CROCC: variants seen among roughly 807,000 people sequenced by gnomAD.
CROCC encodes ciliary rootlet coiled-coil, rootletin.
In CROCC, 180 loss-of-function variants were observed where a neutral mutation model predicts 245.2. The observed-to-expected ratio is 0.73, with a 90% CI of 0.65 to 0.83. The LOEUF is 0.83. Among genes scored for constraint, CROCC ranks in the 40% least tolerant of loss-of-function variants. CROCC has a pLI of 0.00. For missense variants in CROCC, 2,688 were observed against 2,779.4 expected (o/e 0.97, Z 0.74); for synonymous variants, 1,205 against 1,241.6 (o/e 0.97, Z 0.62).
Position 16,930,544 on chromosome 1 carries a change from T to C in CROCC, c.799T>C (p.Cys267Arg). The change falls in exon 7 of 37, where the codon TGC becomes CGC. Residue 267 changes from cysteine to arginine, a missense_variant. Coordinates refer to ENST00000375541, the MANE Select transcript of CROCC (RefSeq NM_014675.5). ...AAAGGTGACCAATGACTGGACACGCTGCCGCAAGGAGCTGGAGCACCGGGA... is the reference window on the plus strand; with the variant it reads ...AAAGGTGACCAATGACTGGACACGCCGCCGCAAGGAGCTGGAGCACCGGGA... Reference protein sequence around the residue: ...IRKVTNDWTRCRKELEHREAA... With the variant: ...IRKVTNDWTRRRKELEHREAA... 1 of 1,611,904 alleles carries C rather than the reference T, an allele frequency of 6.2e-7. No individual in the cohort carries two copies. The highest frequency in any genetic ancestry group is 8.5e-7 in the Non-Finnish European group (1 of 1,179,426).
upstream of CROCC, among the ~76,000 whole-genome samples, chr1:16,920,674 A>T (rs1337892648): frequency 1.3e-5 from 2 of 151,772 alleles, no homozygotes; most frequent in African/African-American, 4.8e-5. Context: ...TCCTTGCCCC[A>T]GGGAAAGAAC....
intron 8 of CROCC, among the ~76,000 whole-genome samples, chr1:16,933,008 A>G (rs1019720440): frequency 2.0e-5 from 3 of 152,170 alleles, no homozygotes; most frequent in Non-Finnish European, 4.4e-5. Context: ...TCGAGGTCTC[A>G]CTTTGTTGCC....
At chr1:16,970,523 C>T in intron 34 of CROCC, 70 bp downstream of exon 34, 11 of 1,483,014 alleles carry the variant, frequency 7.4e-6, no homozygotes, top group Middle Eastern at 2.0e-4. Flanking sequence ...ACTGCACATC[C>T]CCAGGGTCTG....
At chr1:16,967,613 A>C (rs760417882) in intron 30 of CROCC, among the ~76,000 whole-genome samples, 7 of 151,898 alleles carry the variant, frequency 4.6e-5, no homozygotes, top group Non-Finnish European at 8.8e-5. Flanking sequence ...GGCTCTAATA[A>C]CACCCCCTGT....
At chr1:16,955,779 C>T (rs1010644552) in intron 24 of CROCC, among the ~76,000 whole-genome samples, 2 of 152,120 alleles carry the variant, frequency 1.3e-5, no homozygotes, top group Non-Finnish European at 2.9e-5. Flanking sequence ...CCACCGTCAT[C>T]ACCCTGGAAA....
rs201386382 is a variant in CROCC at position 16,969,962 on chromosome 1, C to G, written c.5451+28C>G. The G allele has an allele frequency of 3.4e-5, 53 of 1,549,378 alleles. 1 individual carries two copies. The Admixed American group carries it at 4.3e-4, about 12-fold the overall frequency. On this transcript the variant is annotated intron_variant, in intron 33 of 36. Transcript: ENST00000375541. ...GAGGGCCAGGGTGTGCCCCCTCTGT[C>G]CCCAAGACTGTGAGGCCCTAGGATA...
intron 30 of CROCC, among the ~76,000 whole-genome samples, chr1:16,967,036 G>A (rs566301317): frequency 4.9e-4 from 71 of 145,276 alleles, no homozygotes; most frequent in Non-Finnish European, 9.6e-4. Context: ...GCAAGGCAGA[G>A]TGAGACCCTG....
chr1:16,932,478 T>G (rs1274331451), intron 8 of CROCC, among the ~76,000 whole-genome samples: 1 of 151,158 alleles, frequency 6.6e-6, no homozygotes, highest in Non-Finnish European at 1.5e-5. Context: ...AGGAAGCGAG[T>G]GGTCAGTGAT....
chr1:16,943,049 C>A (rs2075966034), intron 13 of CROCC, among the ~76,000 whole-genome samples: 1 of 151,714 alleles, frequency 6.6e-6, no homozygotes, highest in African/African-American at 2.4e-5. Context: ...TCGAGACCAG[C>A]CTGACCAACA....
chr1:16,967,969 C>T (rs985209966), intron 30 of CROCC, among the ~76,000 whole-genome samples: 10 of 152,144 alleles, frequency 6.6e-5, no homozygotes, highest in African/African-American at 1.9e-4. Flanking sequence ...TCCTGGGTTC[C>T]ACAGCCCATT....
At chr1:16,936,522 G>A in intron 8 of CROCC, 115 bp from the exon 9 acceptor site, 1 of 1,093,324 alleles carries the variant, frequency 9.1e-7, no homozygotes, top group Non-Finnish European at 1.3e-6. Flanking sequence ...GCCCGCCTTG[G>A]CCTCCTGAAG....
Position 16,954,364 on chromosome 1 carries a change from C to A in CROCC, c.3321+7C>A. ...CCGGCAGGAGCAGGACCGGGTAGGG[C>A]AGGCTGGGCAGCTGGGCCTCTGTCT... is the stretch of plus-strand genomic sequence containing the variant. On this transcript the variant is annotated splice_region_variant and intron_variant, in intron 22 of 36. Transcript: ENST00000375541. The surrounding 1 kb of genome is among the most constrained non-coding windows in gnomAD (Gnocchi z 4.4). The A allele has an allele frequency of 6.2e-7, 1 of 1,607,144 alleles. No individual in the cohort carries two copies. Among genetic ancestry groups the A allele is most frequent in the Non-Finnish European group, 8.5e-7 (1 of 1,176,912 alleles).
intron 13 of CROCC, among the ~76,000 whole-genome samples, chr1:16,941,796 C>G (rs1428866999): frequency 6.6e-6 from 1 of 152,114 alleles, no homozygotes; most frequent in African/African-American, 2.4e-5. Flanking sequence ...AAGCACTCAT[C>G]AACCATACAT....
intron 27 of CROCC, 141 bp downstream of exon 27, chr1:16,961,271 C>T: frequency 2.4e-6 from 2 of 848,466 alleles, no homozygotes; most frequent in Non-Finnish European, 3.1e-6. Context: ...AGGTCCACTT[C>T]TTAGCCCCGT....
At chr1:16,949,581 G>A (rs2076123963) in intron 19 of CROCC, among the ~76,000 whole-genome samples, 1 of 152,220 alleles carries the variant, frequency 6.6e-6, no homozygotes, top group Admixed American at 6.5e-5. Flanking sequence ...CATTAAAGGA[G>A]ATGCTTTATG....
intron 25 of CROCC, among the ~76,000 whole-genome samples, 176 bp from the exon 26 acceptor site, chr1:16,958,407 C>T (rs2076280059): frequency 6.6e-6 from 1 of 152,218 alleles, no homozygotes; most frequent in Admixed American, 6.5e-5. Context: ...CACTGGTGCC[C>T]AAGTGCCTGG....
chr1:16,942,185 G>GT (rs1259828141), intron 13 of CROCC, among the ~76,000 whole-genome samples: 2 of 152,172 alleles, frequency 1.3e-5, no homozygotes, highest in Admixed American at 6.6e-5. Context: ...TAATTTTTCT[G>GT]TTTTTTGTAG....
At chr1:16,943,212 G>A (rs2075969213) in intron 13 of CROCC, among the ~76,000 whole-genome samples, 1 of 150,478 alleles carries the variant, frequency 6.6e-6, no homozygotes, top group Non-Finnish European at 1.5e-5. Context: ...CTGCACTCCA[G>A]CCTGGGCGAC....
chr1:16,970,734 GGCAGAGGC>G lies in CROCC; in HGVS notation c.5760_5767del (p.Gln1921AspfsTer46), dbSNP rs766853158. 3 of 1,603,596 alleles carry G rather than the reference GGCAGAGGC, an allele frequency of 1.9e-6. No homozygotes were observed. The highest frequency in any genetic ancestry group is 2.6e-6 in the Non-Finnish European group (3 of 1,175,930). ...CCCTCACGGGGGCTGAGCTGGAGCT[GGCAGAGGC>G]GCAGAGGCAGATCCAGCAGCTGGAG... On this transcript the variant is annotated frameshift_variant, in exon 35 of 37. Coordinates refer to ENST00000375541, the MANE Select transcript of CROCC (RefSeq NM_014675.5). LOFTEE classifies it high-confidence loss of function.
Sources: gnomAD v4.1 joint callset for allele counts (sites outside exome capture counted in the v4.1 genomes callset) on GRCh38, gnomAD v4.1.1 for gene constraint, Gnocchi (gnomAD v3.1) non-coding constraint, MANE v1.5 for transcripts, NCBI Gene and HGNC (gene_info 2026-07-23, HGNC 2026-07-21) for gene names.